The following AADACL4 variants were observed in gnomAD, a reference collection of about 807,000 sequenced individuals.
AADACL4 encodes the protein arylacetamide deacetylase-like 4.
A neutral mutation model predicts 14.1 loss-of-function variants in AADACL4; 9 were observed. The ratio of observed to expected loss-of-function variants is 0.64; its 90% CI spans 0.39 to 1.12. The LOEUF (loss-of-function observed/expected upper bound fraction) is 1.12. Among genes scored for constraint, AADACL4 ranks in the 50% most tolerant of loss-of-function variants. AADACL4 has a pLI of 0.01. For missense variants in AADACL4, 531 were observed against 516.1 expected (o/e 1.03, Z -0.28); for synonymous variants, 188 against 201.6 (o/e 0.93, Z 0.57).
chr1:12,658,171 T>C (rs912222341), intron 2 of AADACL4, among the ~76,000 whole-genome samples: 6 of 133,568 alleles, frequency 4.5e-5, no homozygotes, highest in Non-Finnish European at 7.6e-5. Flanking sequence ...TTTCTTTTTC[T>C]CTTTCTCTCT....
Position 12,666,791 on chromosome 1 carries a change from G to C in AADACL4, c.*56G>C. 6.7e-7 allele frequency: 1 copy of C among 1,500,258 alleles called. No homozygotes were observed. Among genetic ancestry groups the C allele is most frequent in the South Asian group, 1.3e-5 (1 of 76,308 alleles). 92.9% of individuals were successfully genotyped at this position (1,500,258 alleles called of 1,614,324 possible). On this transcript the variant is annotated 3_prime_UTR_variant, in exon 4 of 4. Transcript: ENST00000376221. Reference sequence around the variant, plus strand: ...GCAAGTATGGACTCTACCAGAAACCGGGTGCTTTAGTGAGTTCTATTTTAT... The same window carrying C: ...GCAAGTATGGACTCTACCAGAAACCCGGTGCTTTAGTGAGTTCTATTTTAT...
intron 2 of AADACL4, among the ~76,000 whole-genome samples, chr1:12,657,824 G>C (rs913625248): frequency 3.9e-5 from 6 of 152,174 alleles, no homozygotes; most frequent in Non-Finnish European, 7.3e-5. Context: ...GGTCCTAGGA[G>C]AGACTCAGGT....
intron 1 of AADACL4, among the ~76,000 whole-genome samples, chr1:12,648,560 G>GTTT (rs113386512): frequency 1.4e-5 from 2 of 139,482 alleles, no homozygotes; most frequent in Non-Finnish European, 1.6e-5. Flanking sequence ...CTGTGCCTGG[G>GTTT]TTTTTTTTTT....
intron 2 of AADACL4, among the ~76,000 whole-genome samples, chr1:12,653,258 G>A (rs950615314): frequency 1.3e-5 from 2 of 152,234 alleles, no homozygotes; most frequent in African/African-American, 4.8e-5. Flanking sequence ...TTAGATTGGT[G>A]TGAAAGTAAT....
In AADACL4 at chr1:12,661,688, C is replaced by T. The variant is rs1647231021; in HGVS notation, c.386-103C>T. On this transcript the variant is annotated intron_variant, in intron 2 of 3. Coordinates refer to ENST00000376221, the MANE Select transcript of AADACL4 (RefSeq NM_001013630.2). ...GCAAGGATAGAAACAGAGAGGATGC[C>T]ACACCCCACACCAAGACTGTCAGCT... The T allele has an allele frequency of 7.5e-6, 9 of 1,194,742 alleles. No individual in the cohort carries two copies. The South Asian group carries it at 8.6e-5, about 11-fold the overall frequency. The allele number at this position is 1,194,742 out of a possible 1,614,324, so 74.0% of individuals were successfully genotyped here.
At chr1:12,647,659 CTTTT>C (rs113499990) in intron 1 of AADACL4, among the ~76,000 whole-genome samples, 10 of 144,034 alleles carry the variant, frequency 6.9e-5, no homozygotes, top group Non-Finnish European at 1.5e-5. Flanking sequence ...TTCTTTCTTT[CTTTT>C]TTTTTTTTTG....
intron 1 of AADACL4, among the ~76,000 whole-genome samples, chr1:12,648,930 A>G (rs941418200): frequency 1.3e-5 from 2 of 152,164 alleles, no homozygotes; most frequent in African/African-American, 4.8e-5. Context: ...ATGGAGGGTT[A>G]ATATCACACT....
Position 12,660,603 on chromosome 1 carries a change from A to G in AADACL4, c.386-1188A>G, listed in dbSNP as rs143944806. 4.7e-4 allele frequency among the ~76,000 whole-genome samples: 72 copies of G among 152,178 alleles called. No homozygotes were observed. In the East Asian group the frequency reaches 0.013, roughly 28 times the overall value. On this transcript the variant is annotated intron_variant, in intron 2 of 3. Transcript: ENST00000376221. ...ACCTGCGAATTTTAAAGTCATATTCATACCCAGATCATACCCCAGGCTAAG... is the reference window on the plus strand; with the variant it reads ...ACCTGCGAATTTTAAAGTCATATTCGTACCCAGATCATACCCCAGGCTAAG...
At chr1:12,644,846 T>C in intron 1 of AADACL4, 132 bp downstream of exon 1, 1 of 1,008,742 alleles carries the variant, frequency 9.9e-7, no homozygotes, top group Non-Finnish European at 1.5e-6. Context: ...GACTTGTCTC[T>C]TCTGTATCTG....
intron 2 of AADACL4, among the ~76,000 whole-genome samples, chr1:12,658,089 C>CTT (rs1647194275): frequency 3.2e-5 from 4 of 124,620 alleles, no homozygotes; most frequent in African/African-American, 1.4e-4. Flanking sequence ...TTCTTTCTTT[C>CTT]TCTTTCTTTC....
intron 2 of AADACL4, among the ~76,000 whole-genome samples, chr1:12,652,458 T>A (rs952212552): frequency 1.3e-5 from 2 of 152,148 alleles, no homozygotes; most frequent in African/African-American, 4.8e-5. Flanking sequence ...GGCTGGGGGA[T>A]GTCCCCAAAG....
chr1:12,663,458 G>C (rs1647262922), intron 3 of AADACL4, among the ~76,000 whole-genome samples: 1 of 152,066 alleles, frequency 6.6e-6, no homozygotes, highest in South Asian at 2.1e-4. Flanking sequence ...CTTCATAAGG[G>C]CACTAATCCC....
intron 2 of AADACL4, among the ~76,000 whole-genome samples, chr1:12,655,900 A>G (rs2100763439): frequency 6.6e-6 from 1 of 152,204 alleles, no homozygotes; most frequent in East Asian, 1.9e-4. Context: ...GCCTATATAT[A>G]TGGTATTTCA....
At chr1:12,645,287 C>T in intron 1 of AADACL4, among the ~76,000 whole-genome samples, 1 of 126,436 alleles carries the variant, frequency 7.9e-6, no homozygotes, top group Non-Finnish European at 1.6e-5. Context: ...TCCTTGTTTC[C>T]TTCCTACCTT....
chr1:12,647,655 CTTTCTTTT>C (rs1437774526), intron 1 of AADACL4, among the ~76,000 whole-genome samples: 1 of 150,252 alleles, frequency 6.7e-6, no homozygotes, highest in East Asian at 1.9e-4. Flanking sequence ...TTCTTTCTTT[CTTTCTTTT>C]TTTTTTTTTG....
chr1:12,665,658 T>C (rs1485929771), intron 3 of AADACL4, among the ~76,000 whole-genome samples: 1 of 152,244 alleles, frequency 6.6e-6, no homozygotes, highest in Non-Finnish European at 1.5e-5. Flanking sequence ...TTTTCAGCCA[T>C]TGCTGGTTGT....
chr1:12,658,016 C>T (rs887830342), intron 2 of AADACL4, among the ~76,000 whole-genome samples: 7 of 149,606 alleles, frequency 4.7e-5, no homozygotes, highest in East Asian at 3.9e-4. Context: ...CTCTCTCTCT[C>T]TCTTTCTTTC....
At chr1:12,664,224 G>A (rs781092432) in intron 3 of AADACL4, among the ~76,000 whole-genome samples, 79 of 151,842 alleles carry the variant, frequency 5.2e-4, no homozygotes, top group Admixed American at 1.3e-4. Context: ...TTTTTTCTTC[G>A]AAATGAAAAA....
chr1:12,659,690 T>G (rs1647211766), intron 2 of AADACL4, among the ~76,000 whole-genome samples: 1 of 152,228 alleles, frequency 6.6e-6, no homozygotes, highest in Non-Finnish European at 1.5e-5. Context: ...TCACCCAGGA[T>G]GGAGTGCAGT....
Sources: allele counts gnomAD v4.1 joint callset (sites outside exome capture counted in the v4.1 genomes callset), GRCh38; gene constraint gnomAD v4.1.1; transcripts MANE v1.5; gene names NCBI Gene and HGNC (gene_info 2026-07-23, HGNC 2026-07-21).